The following DAB1 variants were observed in gnomAD, a reference collection of about 807,000 sequenced individuals.
The protein encoded by DAB1 is disabled homolog 1.
DAB1 carries 15 observed loss-of-function variants against 64.6 expected under a neutral mutation model. That is an observed-to-expected ratio of 0.23 (90% CI 0.16 to 0.36). The LOEUF (loss-of-function observed/expected upper bound fraction) is 0.36, where lower values mean the gene tolerates loss of function less well. DAB1 is among the 10% of genes least tolerant of loss of function. DAB1 has a pLI of 1.00. For missense variants in DAB1, 596 were observed against 706.7 expected (o/e 0.84, Z 1.78); for synonymous variants, 235 against 251.9 (o/e 0.93, Z 0.64).
At chr1:57,979,980 A>G (rs1189010599) in intron 5 of DAB1, among the ~76,000 whole-genome samples, 1 of 152,132 alleles carries the variant, frequency 6.6e-6, no homozygotes, top group Non-Finnish European at 1.5e-5. Flanking sequence ...GATTATTTTG[A>G]CCTTGCCTGA....
At chr1:57,741,748 G>A (rs1438067391) in intron 6 of DAB1, among the ~76,000 whole-genome samples, 2 of 152,216 alleles carry the variant, frequency 1.3e-5, no homozygotes, top group African/African-American at 2.4e-5. Context: ...ACTGCCGAGT[G>A]AGAAATACTG....
chr1:57,482,654 C>T (rs1644038385), intron 7 of DAB1, among the ~76,000 whole-genome samples: 1 of 152,088 alleles, frequency 6.6e-6, no homozygotes, highest in South Asian at 2.1e-4. Context: ...TTACAAATTA[C>T]TTATTGTATT....
At chr1:57,508,101 G>C (rs1028267711) in intron 7 of DAB1, among the ~76,000 whole-genome samples, 4 of 152,184 alleles carry the variant, frequency 2.6e-5, no homozygotes, top group African/African-American at 9.7e-5. Flanking sequence ...CTACATTACA[G>C]TCTGATCCTT....
rs149545090 is a variant in DAB1, at chr1:57,142,598, T to TCACACACACACACA, written c.207+2678_207+2691dup. Among the ~76,000 whole-genome samples, 649 of 142,800 alleles carry TCACACACACACACA rather than the reference T, an allele frequency of 4.5e-3. 5 individuals are homozygous for TCACACACACACACA. Among genetic ancestry groups the TCACACACACACACA allele is most frequent in the African/African-American group, 0.013 (489 of 38,576 alleles). 93.7% of individuals were successfully genotyped at this position (142,800 alleles called of 152,430 possible). ...GACAGATGGAGCACTTCACTGCAGG[T>TCACACACACACACA]CACACACACACACACACACACACAC... On this transcript the variant is annotated intron_variant, in intron 3 of 14. Transcript: ENST00000371236.
At chr1:57,440,880 T>C (rs1685916483) in intron 7 of DAB1, among the ~76,000 whole-genome samples, 1 of 152,234 alleles carries the variant, frequency 6.6e-6, no homozygotes, top group African/African-American at 2.4e-5. Flanking sequence ...TAATCTGATA[T>C]TTTATTTTAG....
chr1:57,582,036 T>C (rs573172937), intron 7 of DAB1, among the ~76,000 whole-genome samples: 26 of 152,224 alleles, frequency 1.7e-4, no homozygotes, highest in African/African-American at 6.0e-4. Context: ...TAGCCTCCCA[T>C]GGAACAGAGA....
At chr1:57,395,431 C>T (rs1425662940) in intron 1 of DAB1, among the ~76,000 whole-genome samples, 1 of 152,146 alleles carries the variant, frequency 6.6e-6, no homozygotes, top group African/African-American at 2.4e-5. Context: ...CTCTGAGCTA[C>T]CAAATTGGAT....
chr1:58,408,927 A>T (rs1485942802), intron 3 of DAB1, among the ~76,000 whole-genome samples: 1 of 152,214 alleles, frequency 6.6e-6, no homozygotes, highest in Non-Finnish European at 1.5e-5. Context: ...GATACACACA[A>T]AAAAAGTTCT....
At chr1:57,616,839 T>A (rs1645795746) in intron 7 of DAB1, among the ~76,000 whole-genome samples, 1 of 152,092 alleles carries the variant, frequency 6.6e-6, no homozygotes. Flanking sequence ...GTAGGAGAAG[T>A]GTCAGAATCC....
chr1:58,118,932 C>A (rs947317766), intron 5 of DAB1, among the ~76,000 whole-genome samples: 2 of 151,724 alleles, frequency 1.3e-5, no homozygotes, highest in African/African-American at 4.8e-5. Context: ...ATGTTCCATC[C>A]AGTAAGCTAG....
intron 5 of DAB1, among the ~76,000 whole-genome samples, chr1:57,894,048 G>A (rs1178411533): frequency 6.6e-6 from 1 of 152,124 alleles, no homozygotes; most frequent in Non-Finnish European, 1.5e-5. Context: ...GCAGGCCACT[G>A]TGCATGTGGG....
chr1:57,904,205 A>G (rs539899980), intron 5 of DAB1, among the ~76,000 whole-genome samples: 1 of 152,328 alleles, frequency 6.6e-6, no homozygotes, highest in South Asian at 2.1e-4. Context: ...TGCTGCTGGT[A>G]TCAGGGACGT....
chr1:57,239,320 G>T (rs1247445921), intron 2 of DAB1, among the ~76,000 whole-genome samples: 1 of 152,150 alleles, frequency 6.6e-6, no homozygotes, highest in Non-Finnish European at 1.5e-5. Context: ...AGCACTTACT[G>T]CTGTACACAG....
chr1:57,290,271 A>G (rs1261865220), intron 2 of DAB1, among the ~76,000 whole-genome samples: 1 of 152,174 alleles, frequency 6.6e-6, no homozygotes, highest in Non-Finnish European at 1.5e-5. Flanking sequence ...ATGAAGAGCA[A>G]CAGAAAAGGA....
intron 6 of DAB1, among the ~76,000 whole-genome samples, chr1:57,762,880 C>T (rs1047923509): frequency 6.6e-6 from 1 of 152,168 alleles, no homozygotes; most frequent in Non-Finnish European, 1.5e-5. Context: ...ATGGAAAATT[C>T]GAAGCAACTA....
intron 6 of DAB1, among the ~76,000 whole-genome samples, chr1:57,672,429 C>A (rs373619038): frequency 6.6e-6 from 1 of 152,054 alleles, no homozygotes; most frequent in Non-Finnish European, 1.5e-5. Context: ...TGAGACAGCA[C>A]TTATTTTTTA....
At chr1:57,751,334 A>G (rs2101803673) in intron 6 of DAB1, among the ~76,000 whole-genome samples, 1 of 152,202 alleles carries the variant, frequency 6.6e-6, no homozygotes, top group Middle Eastern at 3.4e-3. Flanking sequence ...CACAACCTGG[A>G]GGGGTTTTGG....
chr1:57,454,042 C>T (rs1369150191), intron 7 of DAB1, among the ~76,000 whole-genome samples: 1 of 152,152 alleles, frequency 6.6e-6, no homozygotes, highest in Non-Finnish European at 1.5e-5. Flanking sequence ...AGAACATCCA[C>T]AAACCAGGTG....
At chr1:58,067,500 C>G (rs1419263061) in intron 5 of DAB1, among the ~76,000 whole-genome samples, 1 of 152,200 alleles carries the variant, frequency 6.6e-6, no homozygotes, top group Non-Finnish European at 1.5e-5. Flanking sequence ...ATTCCAGGAA[C>G]TAGCAGCCCA....
Sources: gnomAD v4.1 joint callset for allele counts (sites outside exome capture counted in the v4.1 genomes callset) on GRCh38, gnomAD v4.1.1 for gene constraint, MANE v1.5 for transcripts, NCBI Gene and HGNC (gene_info 2026-07-23, HGNC 2026-07-21) for gene names.